LINGO2: variants seen among roughly 807,000 people sequenced by gnomAD.
The protein encoded by LINGO2 is leucine-rich repeat and immunoglobulin-like domain-containing nogo receptor-interacting protein 2.
LINGO2 carries 14 observed loss-of-function variants against 30.6 expected under a neutral mutation model. The ratio of observed to expected loss-of-function variants is 0.46; its 90% confidence interval spans 0.30 to 0.72. The LOEUF (loss-of-function observed/expected upper bound fraction) is 0.72, where lower values mean the gene tolerates loss of function less well. Among genes scored for constraint, LINGO2 ranks in the 30% least tolerant of loss-of-function variants. The pLI is 0.07. For synonymous variants in LINGO2, 317 were observed against 288.5 expected, an observed-to-expected ratio of 1.10 and a Z score of -1.00; for missense variants, 729 against 751.7, an observed-to-expected ratio of 0.97 and a Z score of 0.35.
the LINGO2 span, among the ~76,000 whole-genome samples, chr9:28,932,869 C>T: frequency 1.3e-5 from 2 of 151,832 alleles, no homozygotes; most frequent in South Asian, 2.1e-4. Context: ...CAATATTCTA[C>T]TGCCAGTTTG....
intron 2 of LINGO2, among the ~76,000 whole-genome samples, chr9:28,406,718 T>G (rs1161923839): frequency 1.3e-5 from 2 of 152,138 alleles, no homozygotes. Context: ...CCAACCAAAT[T>G]GTTCTTATTA....
the LINGO2 span, among the ~76,000 whole-genome samples, chr9:28,818,611 C>A: frequency 6.6e-6 from 1 of 152,138 alleles, no homozygotes; most frequent in Non-Finnish European, 1.5e-5. Context: ...GTCTCGAACT[C>A]CTGACCTCAG....
At chr9:28,976,984 T>C in the LINGO2 span, among the ~76,000 whole-genome samples, 1 of 152,182 alleles carries the variant, frequency 6.6e-6, no homozygotes, top group East Asian at 1.9e-4. Context: ...ACCAGTGATA[T>C]ACTGTCATTT....
intron 1 of LINGO2, among the ~76,000 whole-genome samples, chr9:28,548,666 T>C (rs899914480): frequency 1.7e-5 from 2 of 119,734 alleles, no homozygotes; most frequent in Non-Finnish European, 3.2e-5. Context: ...ATTGAGCCAC[T>C]GCACTCCAGC....
intron 5 of LINGO2, among the ~76,000 whole-genome samples, chr9:27,983,238 A>G (rs1820966475): frequency 6.6e-6 from 1 of 151,946 alleles, no homozygotes; most frequent in South Asian, 2.1e-4. Flanking sequence ...TGCTTACATA[A>G]AAAGCATTAG....
chr9:28,050,395 G>C (rs1159859557), intron 4 of LINGO2, among the ~76,000 whole-genome samples: 10 of 150,598 alleles, frequency 6.6e-5, no homozygotes, highest in African/African-American at 2.5e-4. Flanking sequence ...CTAATCATAA[G>C]GAAATCAGAT....
chr9:29,137,164 G>A, the LINGO2 span, among the ~76,000 whole-genome samples: 1 of 152,014 alleles, frequency 6.6e-6, no homozygotes, highest in Non-Finnish European at 1.5e-5. Context: ...TTTTCAGAAG[G>A]GTACTGATGA....
chr9:27,977,505 A>T (rs2118855609), intron 5 of LINGO2, among the ~76,000 whole-genome samples: 1 of 152,100 alleles, frequency 6.6e-6, no homozygotes, highest in East Asian at 1.9e-4. Context: ...TACAAGTATA[A>T]ATAAAAATAA....
chr9:28,055,717 T>C (rs1191211903), intron 4 of LINGO2, among the ~76,000 whole-genome samples: 1 of 152,202 alleles, frequency 6.6e-6, no homozygotes, highest in African/African-American at 2.4e-5. Context: ...CTTAAAATTC[T>C]TTAAAAGATA....
At chr9:28,070,682 G>T (rs1468026481) in intron 4 of LINGO2, among the ~76,000 whole-genome samples, 1 of 151,926 alleles carries the variant, frequency 6.6e-6, no homozygotes, top group Non-Finnish European at 1.5e-5. Flanking sequence ...GTGTTATAGG[G>T]CCATGGACCA....
At chr9:29,209,281 A>G in the LINGO2 span, among the ~76,000 whole-genome samples, 4 of 152,164 alleles carry the variant, frequency 2.6e-5, no homozygotes, top group African/African-American at 9.7e-5. Flanking sequence ...CACAAGATGC[A>G]TTTACAATTT....
chr9:28,107,917 C>G (rs553177681), intron 4 of LINGO2, among the ~76,000 whole-genome samples: 70 of 152,214 alleles, frequency 4.6e-4, no homozygotes, highest in Non-Finnish European at 7.9e-4. Flanking sequence ...AAGAAAAAGG[C>G]AGTCATTTTA....
intron 4 of LINGO2, among the ~76,000 whole-genome samples, chr9:28,259,242 C>T (rs1822485015): frequency 6.6e-6 from 1 of 151,856 alleles, no homozygotes; most frequent in South Asian, 2.1e-4. Context: ...ACAGAGGTGC[C>T]TAAATTTAGG....
chr9:28,753,989 A>C, the LINGO2 span, among the ~76,000 whole-genome samples: 1 of 148,504 alleles, frequency 6.7e-6, no homozygotes, highest in African/African-American at 2.5e-5. Context: ...ATTTTTATTA[A>C]ATTATTAAAT....
chr9:28,141,369 G>A (rs1157394153), intron 4 of LINGO2, among the ~76,000 whole-genome samples: 1 of 152,194 alleles, frequency 6.6e-6, no homozygotes, highest in African/African-American at 2.4e-5. Context: ...AACAAGACTG[G>A]CAGATGCTAG....
the LINGO2 span, among the ~76,000 whole-genome samples, chr9:29,185,295 G>GT: frequency 1.3e-5 from 2 of 152,080 alleles, no homozygotes; most frequent in African/African-American, 2.4e-5. Flanking sequence ...ATGGAACAAA[G>GT]TAAGTCTCAA....
intron 2 of LINGO2, among the ~76,000 whole-genome samples, chr9:28,449,996 C>A (rs2135065141): frequency 6.6e-6 from 1 of 152,096 alleles, no homozygotes; most frequent in South Asian, 2.1e-4. Flanking sequence ...CGTAGGCACA[C>A]CATTCCGCAT....
chr9:29,160,405 A>G, the LINGO2 span, among the ~76,000 whole-genome samples: 1 of 152,218 alleles, frequency 6.6e-6, no homozygotes, highest in East Asian at 1.9e-4. Context: ...TTTACTGATC[A>G]ATTAAAGGGG....
chr9:28,109,814 T>C (rs1283951985), intron 4 of LINGO2, among the ~76,000 whole-genome samples: 1 of 152,132 alleles, frequency 6.6e-6, no homozygotes, highest in Non-Finnish European at 1.5e-5. Flanking sequence ...ATGACCATAA[T>C]GCCAAAGTAA....
Sources: gnomAD v4.1 joint callset for allele counts (sites outside exome capture counted in the v4.1 genomes callset) on GRCh38, gnomAD v4.1.1 for gene constraint, MANE v1.5 for transcripts, NCBI Gene and HGNC (gene_info 2026-07-23, HGNC 2026-07-21) for gene names.